The following RBFOX1 variants were observed in gnomAD, a reference collection of about 807,000 sequenced individuals.
RBFOX1 encodes RNA binding protein fox-1 homolog 1.
In RBFOX1, 8 loss-of-function variants were observed where a neutral mutation model predicts 57.7. That is an observed-to-expected ratio of 0.14 (90% confidence interval 0.08 to 0.25). RBFOX1 has a LOEUF of 0.25. RBFOX1 is among the 10% of genes least tolerant of loss of function. The probability of loss-of-function intolerance (pLI) is 1.00; values close to 1 mark genes in which losing one functional copy is unlikely to be tolerated. For synonymous variants in RBFOX1, 326 were observed against 222.4 expected (o/e 1.47, Z -4.15); for missense variants, 611 against 548.5 (o/e 1.11, Z -1.14).
chr16:6,072,969 C>G (rs1285432825), intron 1 of RBFOX1, among the ~76,000 whole-genome samples: 1 of 152,106 alleles, frequency 6.6e-6, no homozygotes, highest in Non-Finnish European at 1.5e-5. Flanking sequence ...TTTTGTGTGT[C>G]AATTATACCT....
At chr16:7,387,805 AC>A (rs1449146599) in intron 4 of RBFOX1, among the ~76,000 whole-genome samples, 1 of 152,152 alleles carries the variant, frequency 6.6e-6, no homozygotes, top group Non-Finnish European at 1.5e-5. Flanking sequence ...AAAGCTCCGT[AC>A]GTGTAGGGCT....
chr16:6,064,353 G>C (rs2095730510), intron 1 of RBFOX1, among the ~76,000 whole-genome samples: 1 of 152,094 alleles, frequency 6.6e-6, no homozygotes, highest in Non-Finnish European at 1.5e-5. Context: ...AGTGCAAAAT[G>C]TCTGCTTGTA....
chr16:6,848,771 C>T (rs1417569259), intron 3 of RBFOX1, among the ~76,000 whole-genome samples: 1 of 152,074 alleles, frequency 6.6e-6, no homozygotes, highest in South Asian at 2.1e-4. Flanking sequence ...GTAGAAGAAA[C>T]TCAGCAGGCA....
chr16:6,722,299 C>A (rs901949663), intron 3 of RBFOX1, among the ~76,000 whole-genome samples: 2 of 149,016 alleles, frequency 1.3e-5, no homozygotes, highest in African/African-American at 4.9e-5. Flanking sequence ...TCCACAGCCT[C>A]GCCAACTTTT....
At chr16:7,618,620 T>A (rs2058835343) in intron 10 of RBFOX1, among the ~76,000 whole-genome samples, 1 of 152,212 alleles carries the variant, frequency 6.6e-6, no homozygotes, top group Non-Finnish European at 1.5e-5. Context: ...ATTGTTCTTT[T>A]CAAAATTTAT....
intron 4 of RBFOX1, among the ~76,000 whole-genome samples, chr16:7,223,153 C>T (rs554026808): frequency 1.3e-5 from 2 of 152,168 alleles, no homozygotes; most frequent in African/African-American, 2.4e-5. Context: ...AGGGCTGAAG[C>T]GAAGGGTTGA....
intron 4 of RBFOX1, among the ~76,000 whole-genome samples, chr16:7,497,010 C>T (rs1209537758): frequency 2.0e-5 from 3 of 152,044 alleles, no homozygotes; most frequent in African/African-American, 7.2e-5. Flanking sequence ...CATAAATGAC[C>T]ACAGTCATTT....
chr16:5,503,913 T>G (rs1164614516), intron 2 of RBFOX1, among the ~76,000 whole-genome samples: 1 of 152,196 alleles, frequency 6.6e-6, no homozygotes, highest in Admixed American at 6.5e-5. Flanking sequence ...TCTCTACAGA[T>G]TTGCCTGTTG....
intron 1 of RBFOX1, among the ~76,000 whole-genome samples, chr16:5,430,491 C>T (rs1597033194): frequency 1.3e-5 from 2 of 152,080 alleles, no homozygotes; most frequent in South Asian, 4.2e-4. Context: ...GCCTGGGAGG[C>T]GTTGGGGTTG....
chr16:7,602,307 T>C (rs765919745), intron 9 of RBFOX1, among the ~76,000 whole-genome samples: 2 of 152,206 alleles, frequency 1.3e-5, no homozygotes, highest in Non-Finnish European at 1.5e-5. Flanking sequence ...CGGAGGGGTC[T>C]AAACTGCTTG....
intron 1 of RBFOX1, among the ~76,000 whole-genome samples, chr16:5,252,198 A>T (rs1218585332): frequency 6.6e-6 from 1 of 152,196 alleles, no homozygotes; most frequent in Non-Finnish European, 1.5e-5. Flanking sequence ...TCTCTAAGGC[A>T]TATGGGTTTG....
chr16:6,848,607 G>A (rs1211423666), intron 3 of RBFOX1, among the ~76,000 whole-genome samples: 1 of 151,910 alleles, frequency 6.6e-6, no homozygotes, highest in Non-Finnish European at 1.5e-5. Context: ...AAGAGAAGAT[G>A]TATGTGTATG....
chr16:7,411,036 C>T (rs1349563649), intron 4 of RBFOX1, among the ~76,000 whole-genome samples: 2 of 152,146 alleles, frequency 1.3e-5, no homozygotes, highest in Non-Finnish European at 2.9e-5. Flanking sequence ...CCCTCTGCCT[C>T]TTGAGTTTAA....
chr16:6,539,806 GACACACACAC>G (rs35407844), intron 2 of RBFOX1, among the ~76,000 whole-genome samples: 2 of 136,326 alleles, frequency 1.5e-5, no homozygotes, highest in Admixed American at 7.3e-5. Flanking sequence ...TCAAAACACA[GACACACACAC>G]ACACACACAC....
intron 6 of RBFOX1, among the ~76,000 whole-genome samples, chr16:7,583,876 A>G (rs997051989): frequency 2.0e-5 from 3 of 152,082 alleles, no homozygotes; most frequent in Non-Finnish European, 4.4e-5. Context: ...GGGCAGGAAA[A>G]TGGTCCACTA....
chr16:5,869,918 C>T (rs750970760), intron 4 of RBFOX1, among the ~76,000 whole-genome samples: 3 of 151,982 alleles, frequency 2.0e-5, no homozygotes. Flanking sequence ...TGGAAACAAA[C>T]CAAATGTCTA....
At chr16:7,432,285 T>G (rs2149619881) in intron 4 of RBFOX1, among the ~76,000 whole-genome samples, 1 of 152,334 alleles carries the variant, frequency 6.6e-6, no homozygotes, top group East Asian at 1.9e-4. Flanking sequence ...AGAAGTGAAC[T>G]TTGGGATTTT....
chr16:7,236,659 T>A (rs985599498), intron 4 of RBFOX1, among the ~76,000 whole-genome samples: 2 of 152,236 alleles, frequency 1.3e-5, no homozygotes, highest in Non-Finnish European at 2.9e-5. Flanking sequence ...TTTTAGTAGT[T>A]GTTTGCAGAA....
At chr16:5,555,812 G>A (rs1017842366) in intron 2 of RBFOX1, among the ~76,000 whole-genome samples, 19 of 151,904 alleles carry the variant, frequency 1.3e-4, no homozygotes, top group African/African-American at 3.1e-4. Flanking sequence ...ACCTGAGGTC[G>A]GGAGTTCGAG....
Sources: allele counts gnomAD v4.1 joint callset (sites outside exome capture counted in the v4.1 genomes callset), GRCh38; gene constraint gnomAD v4.1.1; transcripts MANE v1.5; gene names NCBI Gene and HGNC (gene_info 2026-07-23, HGNC 2026-07-21).